The following PRKCA variants were observed in gnomAD, a reference collection of about 807,000 sequenced individuals.
PRKCA encodes protein kinase C alpha, also known as protein kinase C alpha type.
In PRKCA, 27 loss-of-function variants were observed where a neutral mutation model predicts 87.0. The observed-to-expected ratio is 0.31, with a 90% CI of 0.23 to 0.43. The LOEUF (loss-of-function observed/expected upper bound fraction) is 0.43, where lower values mean the gene tolerates loss of function less well. PRKCA is among the 20% of genes least tolerant of loss of function. PRKCA has a pLI of 1.00. For missense variants in PRKCA, 518 were observed against 852.3 expected (o/e 0.61, Z 4.88); for synonymous variants, 329 against 311.1 (o/e 1.06, Z -0.61).
intron 14 of PRKCA, chr17:66,778,273 G>A (rs561227183): frequency 3.0e-4 from 272 of 921,548 alleles, no homozygotes; most frequent in Non-Finnish European, 3.5e-4. Flanking sequence ...CAGCACTTCG[G>A]GAGGCCGAGG....
chr17:66,452,334 C>A (rs1264659744), intron 2 of PRKCA, among the ~76,000 whole-genome samples: 4 of 152,344 alleles, frequency 2.6e-5, no homozygotes, highest in Admixed American at 6.5e-5. Context: ...CCAGGTGCAG[C>A]ACAGGTGCTT....
intron 3 of PRKCA, among the ~76,000 whole-genome samples, chr17:66,558,690 G>C (rs573604381): frequency 8.5e-5 from 13 of 152,174 alleles, no homozygotes; most frequent in African/African-American, 1.2e-4. Flanking sequence ...GAGAGTAAGG[G>C]GGGGAGGGAG....
intron 3 of PRKCA, among the ~76,000 whole-genome samples, chr17:66,582,154 CGT>C (rs1434463446): frequency 6.6e-6 from 1 of 152,138 alleles, no homozygotes; most frequent in Admixed American, 6.5e-5. Flanking sequence ...GCATTTGCGT[CGT>C]GTATAGTAAT....
chr17:66,649,039 A>G (rs112477160), intron 5 of PRKCA, among the ~76,000 whole-genome samples: 14,819 of 151,562 alleles, frequency 0.098, 766 homozygotes, highest in Middle Eastern at 0.18. Flanking sequence ...GGAGGTTGCA[A>G]TGAGCCCGAG....
intron 3 of PRKCA, among the ~76,000 whole-genome samples, chr17:66,608,171 TGATTGGAGCACACC>T (rs1020231646): frequency 6.6e-6 from 1 of 151,448 alleles, no homozygotes; most frequent in African/African-American, 2.4e-5. Context: ...TGAAGCACAC[TGATTGGAGCACACC>T]GATTGGAGCA....
chr17:66,380,980 C>T (rs1237182051), intron 2 of PRKCA, among the ~76,000 whole-genome samples: 2 of 149,696 alleles, frequency 1.3e-5, no homozygotes, highest in East Asian at 3.9e-4. Context: ...CTTTCTGTCA[C>T]TCACGCTAGA....
intron 5 of PRKCA, among the ~76,000 whole-genome samples, chr17:66,649,752 C>T (rs1418195505): frequency 1.3e-5 from 2 of 152,118 alleles, no homozygotes; most frequent in Non-Finnish European, 2.9e-5. Flanking sequence ...GACTTAAAAC[C>T]AGGGGAGAAA....
At chr17:66,478,726 A>G (rs1001962738) in intron 2 of PRKCA, among the ~76,000 whole-genome samples, 1 of 144,056 alleles carries the variant, frequency 6.9e-6, no homozygotes, top group African/African-American at 2.7e-5. Flanking sequence ...GTAAAATTAA[A>G]TTTTCCCAAA....
intron 16 of PRKCA, among the ~76,000 whole-genome samples, chr17:66,794,289 A>G (rs918087372): frequency 4.6e-5 from 7 of 152,220 alleles, no homozygotes; most frequent in African/African-American, 2.4e-5. Context: ...CCAATGACCC[A>G]CAGCAAGAGC....
At chr17:66,454,744 C>T (rs548603262) in intron 2 of PRKCA, among the ~76,000 whole-genome samples, 11 of 152,208 alleles carry the variant, frequency 7.2e-5, no homozygotes, top group African/African-American at 2.7e-4. Context: ...CCCACTGGCT[C>T]CCTCCCCCAA....
chr17:66,576,214 A>G (rs1370435910), intron 3 of PRKCA, among the ~76,000 whole-genome samples: 1 of 152,238 alleles, frequency 6.6e-6, no homozygotes, highest in Non-Finnish European at 1.5e-5. Flanking sequence ...AGTTGGTTAC[A>G]ACACAGTGTT....
At chr17:66,486,854 G>A (rs1019503321) in intron 2 of PRKCA, among the ~76,000 whole-genome samples, 2 of 151,930 alleles carry the variant, frequency 1.3e-5, no homozygotes, top group Admixed American at 1.3e-4. Flanking sequence ...GGGTACATCT[G>A]ATATTTTGAT....
intron 2 of PRKCA, among the ~76,000 whole-genome samples, chr17:66,362,427 G>A (rs1908439603): frequency 6.6e-6 from 1 of 152,128 alleles, no homozygotes; most frequent in Non-Finnish European, 1.5e-5. Context: ...ATGCCTCTTG[G>A]CTCTCCAGGC....
chr17:66,396,472 CTTTAGATGTGTA>C (rs1320239018), intron 2 of PRKCA, among the ~76,000 whole-genome samples: 1 of 151,828 alleles, frequency 6.6e-6, no homozygotes, highest in Non-Finnish European at 1.5e-5. Flanking sequence ...TTCCTTGTAC[CTTTAGATGTGTA>C]TTTGGTAATG....
At chr17:66,719,795 G>A (rs1973568516) in intron 8 of PRKCA, among the ~76,000 whole-genome samples, 2 of 152,312 alleles carry the variant, frequency 1.3e-5, no homozygotes, top group Non-Finnish European at 2.9e-5. Flanking sequence ...AATTATAGAT[G>A]TTTTAAATTT....
In PRKCA at chr17:66,804,074, A is replaced by AG. The variant is rs1568045687; in HGVS notation, c.*38dup. 3 of 1,583,342 alleles carry AG rather than the reference A, an allele frequency of 1.9e-6. No homozygotes were observed. The highest frequency in any genetic ancestry group is 2.6e-6 in the Non-Finnish European group (3 of 1,157,682). ...GAGAACAAACACCTCCCCAGCCCCCAGCCCTCCCCGCAGTGGGAAGTGAAT... is the reference window on the plus strand; with the variant it reads ...GAGAACAAACACCTCCCCAGCCCCCAGGCCCTCCCCGCAGTGGGAAGTGAAT... On this transcript the variant is annotated 3_prime_UTR_variant, in exon 17 of 17. Coordinates refer to ENST00000413366, the MANE Select transcript of PRKCA (RefSeq NM_002737.3).
At chr17:66,475,965 C>G (rs1158396186) in intron 2 of PRKCA, among the ~76,000 whole-genome samples, 1 of 152,198 alleles carries the variant, frequency 6.6e-6, no homozygotes, top group Non-Finnish European at 1.5e-5. Flanking sequence ...GGTGCGATCT[C>G]TGCTCACTTG....
chr17:66,670,698 CA>C lies in PRKCA; in HGVS notation c.530-16405del, dbSNP rs375309558. The stretch of plus-strand genomic sequence containing the variant: ...ACATGGTGAAATCGCCATCTCTACC[CA>C]AAAAAAACACAGAAATGACCGGTGT... On this transcript the variant is annotated intron_variant, in intron 5 of 16. Transcript: ENST00000413366. Among the ~76,000 whole-genome samples, 194 of 150,808 alleles carry C rather than the reference CA, an allele frequency of 1.3e-3. 1 individual carries two copies. The highest frequency in any genetic ancestry group is 4.5e-3 in the African/African-American group (186 of 41,138).
intron 8 of PRKCA, among the ~76,000 whole-genome samples, chr17:66,730,242 T>C (rs1057455082): frequency 3.3e-5 from 5 of 152,202 alleles, no homozygotes; most frequent in Non-Finnish European, 7.3e-5. Context: ...TAGACACAGC[T>C]GGCAGTGTCA....
Sources: gnomAD v4.1 joint callset for allele counts (sites outside exome capture counted in the v4.1 genomes callset) on GRCh38, gnomAD v4.1.1 for gene constraint, MANE v1.5 for transcripts, NCBI Gene and HGNC (gene_info 2026-07-23, HGNC 2026-07-21) for gene names.